Variants in ENOX1 observed in about 807,000 individuals in gnomAD.
The protein encoded by ENOX1 is candidate growth-related and time keeping constitutive hydroquinone (NADH) oxidase.
ENOX1 carries 42 observed loss-of-function variants against 82.5 expected under a neutral mutation model. The observed-to-expected ratio is 0.51, with a 90% CI of 0.40 to 0.66. The LOEUF (loss-of-function observed/expected upper bound fraction) is 0.66. Among genes scored for constraint, ENOX1 ranks in the 30% least tolerant of loss-of-function variants. ENOX1 has a pLI of 0.00. For synonymous variants in ENOX1, 271 were observed against 282.2 expected (o/e 0.96, Z 0.40); for missense variants, 608 against 811.6 (o/e 0.75, Z 3.05).
chr13:43,381,131 T>C (rs956238375), intron 5 of ENOX1, among the ~76,000 whole-genome samples: 3 of 151,806 alleles, frequency 2.0e-5, no homozygotes, highest in African/African-American at 7.2e-5. Flanking sequence ...ATGGGTATAT[T>C]TATCAAGATT....
intron 11 of ENOX1, among the ~76,000 whole-genome samples, chr13:43,317,094 C>A (rs1027361807): frequency 2.0e-5 from 3 of 152,238 alleles, no homozygotes; most frequent in Admixed American, 6.5e-5. Flanking sequence ...AACACAGACA[C>A]CCCTGCCCTT....
chr13:43,274,529 ATAT>A lies in ENOX1; in HGVS notation c.1447-4955_1447-4953del, dbSNP rs2044886564. ...CACTTGAAATTTATGAGTCTCTATA[ATAT>A]TCTTTCCAGTTTGAATTTTTAAGTA... On this transcript the variant is annotated intron_variant, in intron 12 of 16. Transcript: ENST00000690772. Among the ~76,000 whole-genome samples, 3 of 152,360 alleles carry A rather than the reference ATAT, an allele frequency of 2.0e-5. No individual in the cohort carries two copies. In the South Asian group the frequency reaches 6.2e-4, roughly 32 times the overall value.
chr13:43,380,851 AAAATAT>A (rs2051992962), intron 5 of ENOX1, among the ~76,000 whole-genome samples: 1 of 151,828 alleles, frequency 6.6e-6, no homozygotes, highest in African/African-American at 2.4e-5. Context: ...ATTTAACAAG[AAAATAT>A]AACAATCCCA....
At chr13:43,394,176 T>A (rs997397959) in intron 5 of ENOX1, among the ~76,000 whole-genome samples, 2 of 152,236 alleles carry the variant, frequency 1.3e-5, no homozygotes, top group African/African-American at 4.8e-5. Context: ...CATAATGAAC[T>A]AATACACTTG....
In ENOX1 at chr13:43,746,408, C is replaced by T. The variant is rs555906958; in HGVS notation, c.-285+40244G>A. Among the ~76,000 whole-genome samples, 117 of 151,864 alleles carry T rather than the reference C, an allele frequency of 7.7e-4. 1 individual carries two copies. Among genetic ancestry groups the T allele is most frequent in the Admixed American group, 2.4e-3 (36 of 15,258 alleles). On this transcript the variant is annotated intron_variant, in intron 1 of 16. Transcript: ENST00000690772. Reference sequence around the variant, plus strand: ...TCTTTGGACATTTATTTTATGGTAACGAGGGTTAAAATTTAAGAGGAGCTT... The same window carrying T: ...TCTTTGGACATTTATTTTATGGTAATGAGGGTTAAAATTTAAGAGGAGCTT...
Position 43,356,120 on chromosome 13 carries a change from T to A in ENOX1, c.622A>T (p.Lys208Ter). 1 of 1,614,204 alleles carries A rather than the reference T, an allele frequency of 6.2e-7. No individual in the cohort carries two copies. Residue 208 changes from lysine to a stop codon, truncating the protein, a stop_gained, in exon 8 of 17, where the codon AAA becomes TAA. Coordinates refer to ENST00000690772, the MANE Select transcript of ENOX1 (RefSeq NM_001347969.2). LOFTEE classifies it high-confidence loss of function. ...YRMRLGSSTDKKDSGRLHVDF... is the reference protein window; with the variant it reads ...YRMRLGSSTD ...ACATGAAGGCGGCCTGAATCCTTTT[T>A]GTCGGTGCTAGACCCTAATCGCATC...
chr13:43,283,972 C>G (rs889192336), intron 12 of ENOX1, among the ~76,000 whole-genome samples: 2 of 151,962 alleles, frequency 1.3e-5, no homozygotes, highest in African/African-American at 4.8e-5. Flanking sequence ...TCCAGATATA[C>G]AAAATTTATT....
intron 1 of ENOX1, among the ~76,000 whole-genome samples, chr13:43,723,089 G>GCT (rs377039065): frequency 2.5e-4 from 38 of 152,300 alleles, no homozygotes; most frequent in African/African-American, 7.2e-4. Context: ...GGGCTCTAGA[G>GCT]CTCTCTCTCT....
intron 1 of ENOX1, among the ~76,000 whole-genome samples, chr13:43,670,286 T>G (rs114789126): frequency 0.013 from 2,045 of 152,316 alleles, 42 homozygotes; most frequent in African/African-American, 0.046. Context: ...GAGTAGGCTG[T>G]GATATGGCAA....
chr13:43,695,245 T>TA lies in ENOX1; in HGVS notation c.-284-27702dup, dbSNP rs34890937. Among the ~76,000 whole-genome samples the TA allele has an allele frequency of 8.6e-3, 1,241 of 144,202 alleles. 11 individuals are homozygous for TA. The highest frequency in any genetic ancestry group is 0.011 in the Non-Finnish European group (737 of 65,198). 94.6% of individuals were successfully genotyped at this position (144,202 alleles called of 152,430 possible). A position where few individuals can be genotyped will look rare whatever the true frequency, so the allele number is the denominator to read the frequency against. On this transcript the variant is annotated intron_variant, in intron 1 of 16. Transcript: ENST00000690772. ...ATGATTAGCAGAATAAGCTCATATT[T>TA]AAAAAAAAAAAAATGGTTCTTTACT...
At chr13:43,755,045 C>A (rs1017667153) in intron 1 of ENOX1, among the ~76,000 whole-genome samples, 9 of 151,048 alleles carry the variant, frequency 6.0e-5, no homozygotes, top group Non-Finnish European at 1.3e-4. Flanking sequence ...GTTTCTCCAT[C>A]CTTCAATTCA....
At chr13:43,470,378 A>ATATATGTATATATATATGTG (rs2058005026) in intron 3 of ENOX1, among the ~76,000 whole-genome samples, 1 of 35,706 alleles carries the variant, frequency 2.8e-5, no homozygotes, top group East Asian at 2.9e-4. Flanking sequence ...ATATATATAC[A>ATATATGTATATATATATGTG]TATATATACG....
intron 2 of ENOX1, among the ~76,000 whole-genome samples, chr13:43,541,000 G>A (rs756595421): frequency 6.6e-6 from 1 of 151,832 alleles, no homozygotes; most frequent in Admixed American, 6.6e-5. Flanking sequence ...GATGAGAGGT[G>A]TTTGCAGTAA....
At chr13:43,683,241 C>T (rs1226865442) in intron 1 of ENOX1, among the ~76,000 whole-genome samples, 1 of 152,066 alleles carries the variant, frequency 6.6e-6, no homozygotes, top group Non-Finnish European at 1.5e-5. Context: ...TTCAGGCCCC[C>T]CACCCAACAC....
rs528352997 is a variant in ENOX1 at position 43,399,868 on chromosome 13, G to C, written c.208+12048C>G. ...AATAGGCTAACGCCCCTCTGTCCTTGCACTTTCCCATCTTTCCAACCCTCT... is the reference window on the plus strand; with the variant it reads ...AATAGGCTAACGCCCCTCTGTCCTTCCACTTTCCCATCTTTCCAACCCTCT... On this transcript the variant is annotated intron_variant, in intron 5 of 16. Transcript: ENST00000690772. Among the ~76,000 whole-genome samples the C allele has an allele frequency of 2.6e-5, 4 of 152,112 alleles. No individual in the cohort carries two copies. The East Asian group carries it at 7.7e-4, about 29-fold the overall frequency.
chr13:43,669,626 A>G (rs1566740354), intron 1 of ENOX1, among the ~76,000 whole-genome samples: 1 of 151,914 alleles, frequency 6.6e-6, no homozygotes, highest in African/African-American at 2.4e-5. Context: ...TAACGTCCCC[A>G]CATTTTTATT....
In ENOX1 at chr13:43,612,998, A is replaced by AAGAG. The variant is rs1380746195; in HGVS notation, c.-219+54477_-219+54480dup. On this transcript the variant is annotated intron_variant, in intron 2 of 16. Transcript: ENST00000690772. The stretch of plus-strand genomic sequence containing the variant: ...ATTTGATATTTGATGATGGCATTTG[A>AAGAG]AGAGATGCATGTTTATTAGCTCAAT... Among the ~76,000 whole-genome samples, 3 of 152,276 alleles carry AAGAG rather than the reference A, an allele frequency of 2.0e-5. No individual in the cohort carries two copies. In the South Asian group the frequency reaches 6.2e-4, roughly 32 times the overall value.
At chr13:43,481,607 A>G (rs1001594977) in intron 3 of ENOX1, among the ~76,000 whole-genome samples, 1 of 152,152 alleles carries the variant, frequency 6.6e-6, no homozygotes, top group African/African-American at 2.4e-5. Context: ...CTTGGCTGTG[A>G]TTTCTTAGAT....
chr13:43,290,603 G>A (rs1204249524), intron 12 of ENOX1, among the ~76,000 whole-genome samples: 1 of 152,180 alleles, frequency 6.6e-6, no homozygotes, highest in Non-Finnish European at 1.5e-5. Flanking sequence ...CTGCTATAGG[G>A]GAGAGAGGGA....
Sources: allele counts gnomAD v4.1 joint callset (sites outside exome capture counted in the v4.1 genomes callset), GRCh38; gene constraint gnomAD v4.1.1; transcripts MANE v1.5; gene names NCBI Gene and HGNC (gene_info 2026-07-23, HGNC 2026-07-21).